The following SDHAF2 variants were observed in gnomAD, a reference collection of about 807,000 sequenced individuals.
The protein encoded by SDHAF2 is succinate dehydrogenase complex assembly factor 2.
A neutral mutation model predicts 18.5 loss-of-function variants in SDHAF2; 21 were observed. The observed-to-expected ratio is 1.13, with a 90% CI of 0.80 to 1.63. SDHAF2 has a LOEUF of 1.63. SDHAF2 is among the 40% of genes most tolerant of loss of function. The pLI, the probability that SDHAF2 is intolerant of heterozygous loss-of-function variation, is 0.00. For synonymous variants in SDHAF2, 84 were observed against 70.7 expected, an observed-to-expected ratio of 1.19 and a Z score of -0.94; for missense variants, 195 against 200.3, an observed-to-expected ratio of 0.97 and a Z score of 0.16.
At chr11:61,430,472 C>T in intron 1 of SDHAF2, 1 of 531,342 alleles carries the variant, frequency 1.9e-6, no homozygotes, top group South Asian at 2.8e-5. Context: ...CTTCCCTGGG[C>T]TCCCCTTCTC....
In SDHAF2 at chr11:61,446,638, C is replaced by T. The variant is rs1222207332; in HGVS notation, c.*567C>T. 1.2e-5 allele frequency: 5 copies of T among 412,084 alleles called. No homozygotes were observed. Among genetic ancestry groups the T allele is most frequent in the Non-Finnish European group, 1.7e-5 (4 of 232,768 alleles). 25.5% of individuals were successfully genotyped at this position (412,084 alleles called of 1,614,324 possible). ...CACAGGCAGGAGTGGTGTGGGCACA[C>T]TGCTTAGGAGTCAACATCTTCATCA... is the stretch of plus-strand genomic sequence containing the variant. On this transcript the variant is annotated 3_prime_UTR_variant, in exon 4 of 4. Transcript: ENST00000301761.
At chr11:61,445,636 G>GTA (rs1404078020) in intron 3 of SDHAF2, among the ~76,000 whole-genome samples, 4 of 152,140 alleles carry the variant, frequency 2.6e-5, no homozygotes, top group African/African-American at 7.2e-5. Flanking sequence ...CAGATAGTAA[G>GTA]TATTTTACTT....
intron 1 of SDHAF2, among the ~76,000 whole-genome samples, chr11:61,436,528 A>G (rs1015820896): frequency 4.6e-5 from 7 of 152,176 alleles, no homozygotes; most frequent in African/African-American, 1.7e-4. Flanking sequence ...GATTCAAACA[A>G]AACAGAAACC....
intron 3 of SDHAF2, 168 bp downstream of exon 3, chr11:61,438,281 C>G: frequency 1.5e-6 from 1 of 659,540 alleles, no homozygotes; most frequent in Non-Finnish European, 2.7e-6. Flanking sequence ...CTCACTGCAA[C>G]CTCTACCTTC....
intron 3 of SDHAF2, among the ~76,000 whole-genome samples, chr11:61,445,181 T>C (rs1298832848): frequency 2.0e-5 from 3 of 152,212 alleles, no homozygotes. Context: ...TGGAGCACAT[T>C]GCCTCGGCTT....
rs1042267316 is a variant in SDHAF2, at chr11:61,446,514, C to G, written c.*443C>G. Reference sequence around the variant, plus strand: ...GGCCCAGGGCTTTGTTGAAGTGGAACTCCCCACTTCCAACCTGGTATGGCT... The same window carrying G: ...GGCCCAGGGCTTTGTTGAAGTGGAAGTCCCCACTTCCAACCTGGTATGGCT... On this transcript the variant is annotated 3_prime_UTR_variant, in exon 4 of 4. Coordinates refer to ENST00000301761, the MANE Select transcript of SDHAF2 (RefSeq NM_017841.4). 1 of 494,664 alleles carries G rather than the reference C, an allele frequency of 2.0e-6. No individual in the cohort carries two copies. The highest frequency in any genetic ancestry group is 1.9e-5 in the African/African-American group (1 of 51,640). The allele number at this position is 494,664 out of a possible 1,614,324, so 30.6% of individuals were successfully genotyped here.
chr11:61,446,719 A>G lies in SDHAF2; in HGVS notation c.*648A>G, dbSNP rs377325076. 2.0e-5 allele frequency: 8 copies of G among 399,336 alleles called. No individual in the cohort carries two copies. The highest frequency in any genetic ancestry group is 6.2e-5 in the African/African-American group (3 of 48,760). 24.7% of individuals were successfully genotyped at this position (399,336 alleles called of 1,614,324 possible). ...ATTTGAAAGAGAATTATTAAAGCAT[A>G]CTGAAAAAAGGAAATTTACAATTTC... On this transcript the variant is annotated 3_prime_UTR_variant, in exon 4 of 4. Transcript: ENST00000301761.
intron 1 of SDHAF2, chr11:61,432,953 C>T (rs1434845619): frequency 6.6e-6 from 1 of 151,736 alleles, no homozygotes; most frequent in Admixed American, 6.6e-5. Context: ...TCTTTAATTT[C>T]TATACCAAAA....
intron 1 of SDHAF2, chr11:61,434,116 A>G (rs1393575377): frequency 6.6e-6 from 1 of 152,164 alleles, no homozygotes; most frequent in Non-Finnish European, 1.5e-5. Flanking sequence ...GGTTCATGTT[A>G]ATTGAGATCT....
intron 1 of SDHAF2, 63 bp from the exon 2 acceptor site, chr11:61,437,562 G>T: frequency 7.4e-7 from 1 of 1,359,706 alleles, no homozygotes; most frequent in South Asian, 1.2e-5. Context: ...AGTAAGCATT[G>T]AGTAAATGAT....
intron 1 of SDHAF2, chr11:61,433,608 T>A (rs992538330): frequency 5.3e-5 from 8 of 152,248 alleles, no homozygotes; most frequent in African/African-American, 1.9e-4. Flanking sequence ...TCAGTCTGCA[T>A]CAGAATCTCT....
At chr11:61,443,275 T>G (rs921505220) in intron 3 of SDHAF2, among the ~76,000 whole-genome samples, 2 of 152,248 alleles carry the variant, frequency 1.3e-5, no homozygotes, top group African/African-American at 2.4e-5. Context: ...AGTTTCCAAC[T>G]CTGCTAGAAT....
chr11:61,437,073 G>A (rs1862002637), intron 1 of SDHAF2: 1 of 1,159,132 alleles, frequency 8.6e-7, no homozygotes, highest in East Asian at 6.3e-5. Flanking sequence ...GGACACATTT[G>A]CAGTTAGGAC....
At chr11:61,443,834 C>T (rs1417950146) in intron 3 of SDHAF2, among the ~76,000 whole-genome samples, 1 of 151,902 alleles carries the variant, frequency 6.6e-6, no homozygotes, top group East Asian at 1.9e-4. Flanking sequence ...GAGGCAGTGG[C>T]GCGATATCGG....
At chr11:61,443,917 G>A (rs994287410) in intron 3 of SDHAF2, among the ~76,000 whole-genome samples, 2 of 152,170 alleles carry the variant, frequency 1.3e-5, no homozygotes, top group Admixed American at 6.5e-5. Flanking sequence ...GGGACTACAG[G>A]CGCCCGCCAC....
chr11:61,445,261 G>A (rs1304754333), intron 3 of SDHAF2, among the ~76,000 whole-genome samples: 1 of 152,048 alleles, frequency 6.6e-6, no homozygotes, highest in Non-Finnish European at 1.5e-5. Flanking sequence ...GAAAGGTCAG[G>A]GGGAGCAGCA....
chr11:61,445,134 C>T (rs1360540717), intron 3 of SDHAF2, among the ~76,000 whole-genome samples: 1 of 152,128 alleles, frequency 6.6e-6, no homozygotes, highest in Non-Finnish European at 1.5e-5. Flanking sequence ...AATTCTCTCT[C>T]CTGGCGTCGT....
At chr11:61,437,113 T>C (rs540797035) in intron 1 of SDHAF2, among the ~76,000 whole-genome samples, 8 of 152,330 alleles carry the variant, frequency 5.3e-5, no homozygotes, top group African/African-American at 1.9e-4. Flanking sequence ...CAGTTACTAT[T>C]TGGATGATTT....
intron 3 of SDHAF2, among the ~76,000 whole-genome samples, chr11:61,442,424 G>T (rs761106720): frequency 6.6e-5 from 10 of 152,124 alleles, no homozygotes; most frequent in Non-Finnish European, 8.8e-5. Flanking sequence ...TCCATAGTTT[G>T]TGACGAGGTC....
Sources: gnomAD v4.1 joint callset for allele counts (sites outside exome capture counted in the v4.1 genomes callset) on GRCh38, gnomAD v4.1.1 for gene constraint, MANE v1.5 for transcripts, NCBI Gene and HGNC (gene_info 2026-07-23, HGNC 2026-07-21) for gene names.